C6: variants seen among roughly 807,000 people sequenced by gnomAD.
C6 encodes complement C6.
A neutral mutation model predicts 112.9 loss-of-function variants in C6; 101 were observed. That is an observed-to-expected ratio of 0.89 (90% CI 0.76 to 1.06). C6 has a LOEUF of 1.06. Ranked by LOEUF, C6 falls within the 50% of genes least tolerant of loss-of-function variation. The pLI is 0.00. For missense variants in C6, 1,202 were observed against 1,104.6 expected (o/e 1.09, Z -1.25); for synonymous variants, 431 against 384.1 (o/e 1.12, Z -1.43).
intron 2 of C6, among the ~76,000 whole-genome samples, chr5:41,202,599 G>A (rs1195609514): frequency 6.6e-6 from 1 of 152,150 alleles, no homozygotes; most frequent in Non-Finnish European, 1.5e-5. Flanking sequence ...AAACTGTGGG[G>A]GACAAGAAGT....
At position 41,221,368 on chromosome 5, in the gene C6, A is replaced by T. The variant is rs569103173; in HGVS notation, c.-20-18118T>A. Among the ~76,000 whole-genome samples the T allele has an allele frequency of 1.4e-3, 216 of 152,312 alleles. 4 individuals carry two copies. Among genetic ancestry groups the T allele is most frequent in the Non-Finnish European group, 3.8e-4 (26 of 68,022 alleles). ...TTCGTGGGGTTGGTGAAATATTCTC[A>T]GTTATTACAATGGTGTATAGCCCTG... On this transcript the variant is annotated intron_variant, in intron 1 of 17. Transcript: ENST00000263413.
At chr5:41,185,079 T>A (rs1749664753) in intron 6 of C6, among the ~76,000 whole-genome samples, 1 of 152,170 alleles carries the variant, frequency 6.6e-6, no homozygotes. Context: ...GCAACTTCCA[T>A]CAGAACAATA....
chr5:41,145,993 C>T (rs1745784895), intron 17 of C6, among the ~76,000 whole-genome samples: 1 of 152,222 alleles, frequency 6.6e-6, no homozygotes, highest in South Asian at 2.1e-4. Context: ...ACTTAAGAAA[C>T]CCTTCCAGAC....
upstream of C6, among the ~76,000 whole-genome samples, chr5:41,217,887 T>C (rs999869546): frequency 6.6e-6 from 1 of 152,172 alleles, no homozygotes; most frequent in African/African-American, 2.4e-5. Flanking sequence ...AGTTTGTTTC[T>C]TGTCCTCCTG....
Position 41,142,366 on chromosome 5 carries a change from C to A in C6, c.*459G>T. On this transcript the variant is annotated 3_prime_UTR_variant, in exon 18 of 18. Coordinates refer to ENST00000337836, the MANE Select transcript of C6 (RefSeq NM_000065.5). Reference sequence around the variant, plus strand: ...CAGGACTTTGGTCAGTACTTGACATCCTGTATACACACTCAGAAATTATTT... The same window carrying A: ...CAGGACTTTGGTCAGTACTTGACATACTGTATACACACTCAGAAATTATTT... 1 of 190,690 alleles carries A rather than the reference C, an allele frequency of 5.2e-6. No homozygotes were observed. The highest frequency in any genetic ancestry group is 1.1e-5 in the Non-Finnish European group (1 of 89,224). 11.8% of individuals were successfully genotyped at this position (190,690 alleles called of 1,614,324 possible).
intron 13 of C6, among the ~76,000 whole-genome samples, chr5:41,156,115 C>T (rs910377344): frequency 6.7e-4 from 102 of 152,194 alleles, no homozygotes; most frequent in African/African-American, 2.3e-3. Context: ...CTTTACCACC[C>T]TCACCTCCTG....
intron 17 of C6, among the ~76,000 whole-genome samples, chr5:41,148,200 A>G (rs1170120202): frequency 1.3e-5 from 2 of 152,166 alleles, no homozygotes; most frequent in Non-Finnish European, 2.9e-5. Flanking sequence ...AGGAGAAAAA[A>G]TTTAAATGCC....
At chr5:41,245,936 A>G (rs1409121081) in intron 1 of C6, among the ~76,000 whole-genome samples, 1 of 152,132 alleles carries the variant, frequency 6.6e-6, no homozygotes, top group Non-Finnish European at 1.5e-5. Flanking sequence ...GGATGTCACA[A>G]TTATTCTGGC....
chr5:41,230,198 G>A (rs184438744), intron 1 of C6, among the ~76,000 whole-genome samples: 6 of 152,188 alleles, frequency 3.9e-5, no homozygotes, highest in Admixed American at 3.9e-4. Flanking sequence ...TATGAAATCA[G>A]TGCACCTTGA....
intron 9 of C6, among the ~76,000 whole-genome samples, chr5:41,164,132 G>C (rs1747777436): frequency 6.6e-6 from 1 of 150,560 alleles, no homozygotes; most frequent in Non-Finnish European, 1.5e-5. Context: ...GGGAGGGAGA[G>C]AGGGAGGGAA....
intron 1 of C6, 140 bp from the exon 2 acceptor site, chr5:41,203,390 C>A: frequency 2.6e-6 from 2 of 761,124 alleles, no homozygotes; most frequent in Admixed American, 2.2e-5. Context: ...TCAACACCTA[C>A]AAATTCACAT....
At chr5:41,220,441 TA>T (rs1739093368) in intron 1 of C6, among the ~76,000 whole-genome samples, 1 of 152,218 alleles carries the variant, frequency 6.6e-6, no homozygotes, top group Non-Finnish European at 1.5e-5. Context: ...CAGTATTCCC[TA>T]GCTCCCTCAA....
chr5:41,241,257 A>T (rs1740695388), intron 1 of C6, among the ~76,000 whole-genome samples: 1 of 152,208 alleles, frequency 6.6e-6, no homozygotes, highest in South Asian at 2.1e-4. Context: ...GGTGGCTCTC[A>T]GGCTCTGTGG....
chr5:41,253,039 G>A (rs1213813099), intron 1 of C6, among the ~76,000 whole-genome samples: 1 of 152,118 alleles, frequency 6.6e-6, no homozygotes, highest in Non-Finnish European at 1.5e-5. Flanking sequence ...AGTCATATTT[G>A]GCTCAGAATA....
intron 1 of C6, among the ~76,000 whole-genome samples, chr5:41,211,119 G>T (rs551013299): frequency 6.6e-6 from 1 of 152,144 alleles, no homozygotes; most frequent in Admixed American, 6.6e-5. Context: ...CCATCATTTT[G>T]AGCAAACTAT....
intron 1 of C6, among the ~76,000 whole-genome samples, chr5:41,208,097 G>A (rs973928193): frequency 6.6e-6 from 1 of 152,184 alleles, no homozygotes. Flanking sequence ...CATGGAAACT[G>A]AACAACCTGC....
chr5:41,181,438 A>C lies in C6; in HGVS notation c.848T>G (p.Ile283Ser), dbSNP rs142653101. 771 of 1,613,844 alleles carry C rather than the reference A, an allele frequency of 4.8e-4. 4 individuals carry two copies. The African/African-American group carries it at 8.5e-3, about 18-fold the overall frequency. Residue 283 changes from isoleucine to serine, a missense_variant, in exon 7 of 18, where the codon ATT becomes AGT. Coordinates refer to ENST00000337836, the MANE Select transcript of C6 (RefSeq NM_000065.5). ...TTCACTTCTCTTTGAGGAATAAAAA[A>C]TTGGTACACTGAAAGAGCTCCCCCC... ...SQGGSSFSVP[I>S]FYSSKRSENI...
intron 11 of C6, 189 bp from the exon 12 acceptor site, chr5:41,159,442 A>G: frequency 1.0e-6 from 1 of 985,078 alleles, no homozygotes; most frequent in Non-Finnish European, 1.2e-6. Context: ...TTCCTTTTAG[A>G]CTTTGTTCCC....
intron 8 of C6, among the ~76,000 whole-genome samples, chr5:41,174,638 G>T (rs2150307611): frequency 6.6e-6 from 1 of 152,252 alleles, no homozygotes; most frequent in African/African-American, 2.4e-5. Context: ...GAACAATAGA[G>T]AAATAAATCA....
Sources: gnomAD v4.1 joint callset for allele counts (sites outside exome capture counted in the v4.1 genomes callset) on GRCh38, gnomAD v4.1.1 for gene constraint, MANE v1.5 for transcripts, NCBI Gene and HGNC (gene_info 2026-07-23, HGNC 2026-07-21) for gene names.